The following CALCR variants were observed in gnomAD, a reference collection of about 807,000 sequenced individuals.
CALCR encodes the protein calcitonin receptor.
In CALCR, 47 loss-of-function variants were observed where a neutral mutation model predicts 59.5. The ratio of observed to expected loss-of-function variants is 0.79; its 90% CI spans 0.63 to 1.01. The LOEUF is 1.01. Ranked by LOEUF, CALCR falls within the 50% of genes least tolerant of loss-of-function variation. CALCR has a pLI of 0.00. For missense variants in CALCR, 566 were observed against 597.1 expected (o/e 0.95, Z 0.54); for synonymous variants, 213 against 211.3 (o/e 1.01, Z -0.07).
At chr7:93,431,507 T>A (rs1407255845) in intron 13 of CALCR, among the ~76,000 whole-genome samples, 1 of 152,142 alleles carries the variant, frequency 6.6e-6, no homozygotes, top group African/African-American at 2.4e-5. Flanking sequence ...AGGCCACAGG[T>A]GAAAAGACTT....
rs1800173437 is a variant in CALCR at position 93,454,694 on chromosome 7, T to G, written c.648+6127A>C. Among the ~76,000 whole-genome samples the G allele has an allele frequency of 2.0e-5, 3 of 152,128 alleles. No homozygotes were observed. In the South Asian group the frequency reaches 6.2e-4, roughly 32 times the overall value. ...CAAATAACAATGGGCAATTTTCACA[T>G]CACTCAATAAACTGAGGATGTATTC... On this transcript the variant is annotated intron_variant, in intron 8 of 13. Transcript: ENST00000426151.
chr7:93,500,408 G>C (rs1801298098), intron 2 of CALCR, among the ~76,000 whole-genome samples: 1 of 151,896 alleles, frequency 6.6e-6, no homozygotes, highest in African/African-American at 2.4e-5. Flanking sequence ...AGGACATCTG[G>C]GGTGTTGTTC....
intron 2 of CALCR, among the ~76,000 whole-genome samples, chr7:93,514,850 T>C (rs1193683630): frequency 1.3e-5 from 2 of 151,974 alleles, no homozygotes; most frequent in African/African-American, 4.8e-5. Flanking sequence ...TTATGAGCCA[T>C]TAAAAATGGT....
chr7:93,497,230 C>A (rs1340353335), intron 2 of CALCR, among the ~76,000 whole-genome samples: 1 of 151,396 alleles, frequency 6.6e-6, no homozygotes, highest in African/African-American at 2.4e-5. Context: ...AAGACTTTTT[C>A]TTTTACTCAT....
chr7:93,523,202 C>T (rs1213459804), intron 2 of CALCR, among the ~76,000 whole-genome samples: 2 of 152,126 alleles, frequency 1.3e-5, no homozygotes, highest in Non-Finnish European at 2.9e-5. Flanking sequence ...TGAATTTTCT[C>T]TCCAATAGTT....
chr7:93,560,047 TCAAAA>T (rs1257888595), intron 2 of CALCR, among the ~76,000 whole-genome samples: 1 of 152,056 alleles, frequency 6.6e-6, no homozygotes, highest in Non-Finnish European at 1.5e-5. Context: ...TCTGATGAGC[TCAAAA>T]CAAGAGATGG....
intron 2 of CALCR, among the ~76,000 whole-genome samples, chr7:93,526,703 A>G (rs929881101): frequency 6.6e-6 from 1 of 152,108 alleles, no homozygotes; most frequent in Non-Finnish European, 1.5e-5. Context: ...TTGCAAGAAG[A>G]AATAAATGAC....
chr7:93,432,572 CAT>C (rs1039166681), intron 13 of CALCR, among the ~76,000 whole-genome samples: 5 of 152,148 alleles, frequency 3.3e-5, no homozygotes, highest in Admixed American at 3.3e-4. Context: ...TCAGAGATAA[CAT>C]ATAGTCAAAT....
rs978386416 is a variant in CALCR at position 93,465,468 on chromosome 7, C to T, written c.521+3247G>A. ...CATAATATCATTCCAATTTTTTCTG[C>T]GAAGGTTTTAAACTAAATACCATCC... On this transcript the variant is annotated intron_variant, in intron 7 of 13. Transcript: ENST00000426151. 4.6e-5 allele frequency among the ~76,000 whole-genome samples: 7 copies of T among 151,746 alleles called. 1 individual carries two copies. In the South Asian group the frequency reaches 6.2e-4, roughly 14 times the overall value.
At chr7:93,533,071 C>G (rs1002683755) in intron 2 of CALCR, among the ~76,000 whole-genome samples, 1 of 151,732 alleles carries the variant, frequency 6.6e-6, no homozygotes, top group South Asian at 2.1e-4. Flanking sequence ...CATTTTTATC[C>G]TTGTTATTCA....
intron 2 of CALCR, among the ~76,000 whole-genome samples, chr7:93,524,705 G>T (rs1801839899): frequency 1.3e-5 from 2 of 152,188 alleles, no homozygotes; most frequent in South Asian, 4.1e-4. Flanking sequence ...TGAAAATAAT[G>T]TACATATGTG....
intron 2 of CALCR, among the ~76,000 whole-genome samples, chr7:93,501,805 C>T (rs1019693660): frequency 6.6e-6 from 1 of 152,052 alleles, no homozygotes; most frequent in Non-Finnish European, 1.5e-5. Context: ...CAGGATCTGT[C>T]GCTTTCCCTA....
At chr7:93,491,075 C>T (rs547379835) in intron 2 of CALCR, among the ~76,000 whole-genome samples, 1 of 152,016 alleles carries the variant, frequency 6.6e-6, no homozygotes, top group Non-Finnish European at 1.5e-5. Flanking sequence ...ACCAATGGAA[C>T]AGAACAGAGA....
chr7:93,474,989 G>T (rs10247699), intron 5 of CALCR, among the ~76,000 whole-genome samples: 70,883 of 151,354 alleles, frequency 0.47, 16,845 homozygotes, highest in South Asian at 0.56. Flanking sequence ...GAAACTTATT[G>T]GGCTGAAAAA....
At chr7:93,457,436 C>A (rs896720028) in intron 8 of CALCR, among the ~76,000 whole-genome samples, 1 of 152,126 alleles carries the variant, frequency 6.6e-6, no homozygotes, top group African/African-American at 2.4e-5. Flanking sequence ...TGAACAAGAT[C>A]TCACAGTGGA....
At chr7:93,558,468 G>A (rs1161862156) in intron 2 of CALCR, among the ~76,000 whole-genome samples, 3 of 152,008 alleles carry the variant, frequency 2.0e-5, no homozygotes, top group Non-Finnish European at 2.9e-5. Context: ...TTAGAAGAAT[G>A]CCATTTGAAG....
chr7:93,558,113 A>G (rs1035382351), intron 2 of CALCR, among the ~76,000 whole-genome samples: 10 of 150,424 alleles, frequency 6.6e-5, no homozygotes, highest in Middle Eastern at 3.4e-3. Context: ...TAAATCTTGT[A>G]GTCTTTTTTA....
At chr7:93,440,944 G>A (rs1291619777) in intron 9 of CALCR, among the ~76,000 whole-genome samples, 1 of 152,012 alleles carries the variant, frequency 6.6e-6, no homozygotes, top group African/African-American at 2.4e-5. Context: ...AGAAGCTTAA[G>A]GTATCACATA....
intron 8 of CALCR, among the ~76,000 whole-genome samples, chr7:93,445,127 A>G (rs1799984274): frequency 6.6e-6 from 1 of 152,126 alleles, no homozygotes; most frequent in Non-Finnish European, 1.5e-5. Context: ...AAAGTGGTAC[A>G]GTGGTGCAGA....
Sources: gnomAD v4.1 joint callset for allele counts (sites outside exome capture counted in the v4.1 genomes callset) on GRCh38, gnomAD v4.1.1 for gene constraint, MANE v1.5 for transcripts, NCBI Gene and HGNC (gene_info 2026-07-23, HGNC 2026-07-21) for gene names.